LRRC49: variants seen among roughly 807,000 people sequenced by gnomAD.
LRRC49 encodes leucine-rich repeat-containing protein 49.
Under a neutral mutation model 83.3 loss-of-function variants are expected in LRRC49, and 50 were observed. The observed-to-expected ratio is 0.60, with a 90% CI of 0.48 to 0.76. The LOEUF (loss-of-function observed/expected upper bound fraction) is 0.76, where lower values mean the gene tolerates loss of function less well. Among genes scored for constraint, LRRC49 ranks in the 30% least tolerant of loss-of-function variants. The pLI, the probability that LRRC49 is intolerant of heterozygous loss-of-function variation, is 0.00. For synonymous variants in LRRC49, 286 were observed against 283.3 expected (o/e 1.01, Z -0.10); for missense variants, 704 against 809.1 (o/e 0.87, Z 1.58).
chr15:70,905,462 C>G (rs1020027885), intron 5 of LRRC49, among the ~76,000 whole-genome samples: 1 of 152,128 alleles, frequency 6.6e-6, no homozygotes, highest in African/African-American at 2.4e-5. Flanking sequence ...TGGCATGGGT[C>G]TTGGATTACT....
At chr15:71,044,843 A>C (rs1292179352) in intron 15 of LRRC49, among the ~76,000 whole-genome samples, 2 of 152,106 alleles carry the variant, frequency 1.3e-5, no homozygotes, top group East Asian at 3.8e-4. Context: ...AAAATATTAA[A>C]AAGGAGGAAA....
intron 5 of LRRC49, among the ~76,000 whole-genome samples, chr15:70,908,233 C>G (rs2034400740): frequency 6.6e-6 from 1 of 152,194 alleles, no homozygotes. Flanking sequence ...TTCTTCTTGC[C>G]TGCTGCACAG....
intron 7 of LRRC49, among the ~76,000 whole-genome samples, chr15:70,921,464 TGGGTG>T (rs1350501636): frequency 1.3e-4 from 19 of 151,842 alleles, no homozygotes; most frequent in Non-Finnish European, 4.4e-5. Flanking sequence ...GAAGTGGGAG[TGGGTG>T]GGTTTGTTGG....
chr15:71,035,268 CT>C (rs1233371202), intron 14 of LRRC49, among the ~76,000 whole-genome samples: 1 of 151,936 alleles, frequency 6.6e-6, no homozygotes, highest in Non-Finnish European at 1.5e-5. Flanking sequence ...TTAGTATAAT[CT>C]TAATTTTTTA....
chr15:71,012,820 T>C lies in LRRC49; in HGVS notation c.1610T>C (p.Met537Thr), dbSNP rs201689534. 79 of 1,611,008 alleles carry C rather than the reference T, an allele frequency of 4.9e-5. No homozygotes were observed. The highest frequency in any genetic ancestry group is 2.2e-5 in the East Asian group (1 of 44,808). The change falls in exon 14 of 16, where the codon ATG (methionine) becomes ACG (threonine). Residue 537 changes from methionine (M) to threonine (T), a missense_variant. Around this residue, in one of 3 missense-constraint regions of LRRC49, gnomAD observed 275 missense variants for 338.0 expected, o/e 0.81. Coordinates refer to ENST00000260382, the MANE Select transcript of LRRC49 (RefSeq NM_017691.5). ...INGTEVTQND[M>T]IMAERLFGIL... ...TCTCTTCAGGTGACACAGAATGATA[T>C]GATAATGGCTGAAAGGCTCTTTGGA...
At chr15:70,867,295 A>C (rs774720236) in intron 1 of LRRC49, among the ~76,000 whole-genome samples, 2 of 152,186 alleles carry the variant, frequency 1.3e-5, no homozygotes, top group Non-Finnish European at 2.9e-5. Flanking sequence ...ATAGAGAAGA[A>C]AAGAACTTCC....
intron 11 of LRRC49, among the ~76,000 whole-genome samples, chr15:70,997,668 T>C (rs942710719): frequency 6.6e-6 from 1 of 152,196 alleles, no homozygotes; most frequent in African/African-American, 2.4e-5. Context: ...GGAGAATCAC[T>C]TGAACCCAGG....
Position 71,049,639 on chromosome 15 carries a change from TG to T in LRRC49, c.*29del. The T allele has an allele frequency of 6.5e-7, 1 of 1,534,354 alleles. No individual in the cohort carries two copies. The highest frequency in any genetic ancestry group is 8.9e-7 in the Non-Finnish European group (1 of 1,118,694). Reference sequence around the variant, plus strand: ...AATGGCCTTTAGTTACAGTTGATTTTGGCAGTTTTATTTTTTGAAGGTTGAA... The same window carrying T: ...AATGGCCTTTAGTTACAGTTGATTTTGCAGTTTTATTTTTTGAAGGTTGAA... On this transcript the variant is annotated 3_prime_UTR_variant, in exon 16 of 16. Transcript: ENST00000260382.
chr15:71,048,857 TG>T (rs2039936129), intron 15 of LRRC49: 1 of 455,926 alleles, frequency 2.2e-6, no homozygotes, highest in Non-Finnish European at 4.4e-6. Context: ...GGTTTCTATA[TG>T]TTTACTCTTC....
In LRRC49 at chr15:71,049,766, T is replaced by C; in HGVS notation, c.*154T>C. 2 of 575,956 alleles carry C rather than the reference T, an allele frequency of 3.5e-6. No homozygotes were observed. Among genetic ancestry groups the C allele is most frequent in the South Asian group, 4.9e-5 (2 of 40,856 alleles). 35.7% of individuals were successfully genotyped at this position (575,956 alleles called of 1,614,324 possible). On this transcript the variant is annotated 3_prime_UTR_variant, in exon 16 of 16. Coordinates refer to ENST00000260382, the MANE Select transcript of LRRC49 (RefSeq NM_017691.5). ...TGCCCACTGTTCTCATAGCTAAAAG[T>C]TAAGAAGGAAGGAAGGAAAGCAGGA...
At chr15:70,867,251 T>C (rs2032933579) in intron 1 of LRRC49, among the ~76,000 whole-genome samples, 1 of 152,076 alleles carries the variant, frequency 6.6e-6, no homozygotes, top group Non-Finnish European at 1.5e-5. Flanking sequence ...AGGGGCACCA[T>C]GAAGTATCAA....
At chr15:70,854,025 TG>T in intron 1 of LRRC49, 1 of 1,453,942 alleles carries the variant, frequency 6.9e-7, no homozygotes, top group Non-Finnish European at 9.1e-7. Flanking sequence ...GCCTCCTGGA[TG>T]GCGACGCGGA....
At chr15:71,020,608 C>T (rs1001388903) in intron 14 of LRRC49, among the ~76,000 whole-genome samples, 28 of 152,170 alleles carry the variant, frequency 1.8e-4, no homozygotes, top group African/African-American at 6.7e-4. Context: ...GAGTGGAGAT[C>T]AACAAATTGA....
intron 5 of LRRC49, among the ~76,000 whole-genome samples, chr15:70,905,373 A>G (rs2034262003): frequency 6.6e-6 from 1 of 152,216 alleles, no homozygotes; most frequent in Non-Finnish European, 1.5e-5. Flanking sequence ...AATGATTTTT[A>G]TATTATCAAA....
In LRRC49 at chr15:70,971,544, ATCTG is replaced by A. The variant is rs1204646374; in HGVS notation, c.921+7616_921+7619del. On this transcript the variant is annotated intron_variant, in intron 9 of 15. Transcript: ENST00000260382. ...TCCTTGTTAATTTTCTGTCTTGTTA[ATCTG>A]TCTAATATTGACAGTGGGGTGTTAA... Among the ~76,000 whole-genome samples the A allele has an allele frequency of 1.7e-4, 26 of 152,264 alleles. No individual in the cohort carries two copies. The South Asian group carries it at 2.3e-3, about 13-fold the overall frequency.
At chr15:70,934,630 T>G (rs983935754) in intron 7 of LRRC49, among the ~76,000 whole-genome samples, 1 of 152,206 alleles carries the variant, frequency 6.6e-6, no homozygotes, top group Non-Finnish European at 1.5e-5. Context: ...TCTCACAAAT[T>G]ATATCCTGAT....
chr15:71,038,112 C>G (rs762654170), intron 15 of LRRC49, among the ~76,000 whole-genome samples: 1 of 152,140 alleles, frequency 6.6e-6, no homozygotes, highest in Admixed American at 6.5e-5. Context: ...GACTCATGTG[C>G]AAGGTGCTGT....
At chr15:70,927,893 C>G (rs1269944484) in intron 7 of LRRC49, among the ~76,000 whole-genome samples, 1 of 152,142 alleles carries the variant, frequency 6.6e-6, no homozygotes, top group Non-Finnish European at 1.5e-5. Context: ...AGTGATCCTC[C>G]CATCTTGGCC....
intron 2 of LRRC49, chr15:70,882,722 C>A: frequency 1.9e-6 from 3 of 1,612,616 alleles, no homozygotes; most frequent in Non-Finnish European, 2.5e-6. Flanking sequence ...TACGAAAGAT[C>A]AATTCAATTG....
Sources: allele counts gnomAD v4.1 joint callset (sites outside exome capture counted in the v4.1 genomes callset), GRCh38; gene constraint gnomAD v4.1.1; regional missense constraint gnomAD v4.1.1; transcripts MANE v1.5; gene names NCBI Gene and HGNC (gene_info 2026-07-23, HGNC 2026-07-21).